The following SPIDR variants were observed in gnomAD, a reference collection of about 807,000 sequenced individuals.
The protein encoded by SPIDR is DNA repair-scaffolding protein.
A neutral mutation model predicts 104.6 loss-of-function variants in SPIDR; 93 were observed. The ratio of observed to expected loss-of-function variants is 0.89; its 90% CI spans 0.75 to 1.06. The LOEUF (loss-of-function observed/expected upper bound fraction) is 1.06. Ranked by LOEUF, SPIDR falls within the 50% of genes least tolerant of loss-of-function variation. SPIDR has a pLI of 0.00. For missense variants in SPIDR, 1,154 were observed against 1,111.2 expected, an observed-to-expected ratio of 1.04 and a Z score of -0.55; for synonymous variants, 431 against 416.9, an observed-to-expected ratio of 1.03 and a Z score of -0.41.
At chr8:47,477,243 A>G (rs960921945) in intron 8 of SPIDR, among the ~76,000 whole-genome samples, 45 of 151,954 alleles carry the variant, frequency 3.0e-4, no homozygotes, top group African/African-American at 9.2e-4. Context: ...TCTGTTGCCC[A>G]GGTTGGAGTG....
At chr8:47,529,434 AAAAAAT>A (rs570371914) in intron 8 of SPIDR, among the ~76,000 whole-genome samples, 2 of 152,034 alleles carry the variant, frequency 1.3e-5, no homozygotes, top group African/African-American at 2.4e-5. Context: ...TAAATAAAAT[AAAAAAT>A]AAAAATAAAG....
intron 5 of SPIDR, among the ~76,000 whole-genome samples, chr8:47,352,516 G>C (rs189076234): frequency 6.6e-6 from 1 of 152,086 alleles, no homozygotes; most frequent in Non-Finnish European, 1.5e-5. Context: ...TGAAAGGAAG[G>C]GCTAAACATT....
chr8:47,512,050 C>A (rs2082413317), intron 8 of SPIDR: 1 of 677,396 alleles, frequency 1.5e-6, no homozygotes, highest in East Asian at 2.8e-5. Context: ...CTGCAAGTCC[C>A]AGGTAGCCGA....
intron 5 of SPIDR, among the ~76,000 whole-genome samples, chr8:47,394,770 C>T (rs1326574268): frequency 6.6e-6 from 1 of 152,038 alleles, no homozygotes; most frequent in Non-Finnish European, 1.5e-5. Context: ...GCTTCATTTT[C>T]ATTCTGAACT....
chr8:47,280,093 T>C (rs2037412064), intron 2 of SPIDR, 76 bp downstream of exon 2: 1 of 1,405,058 alleles, frequency 7.1e-7, no homozygotes, highest in Admixed American at 2.0e-5. Context: ...GTAATTACAT[T>C]TCATTGTAAT....
At chr8:47,308,502 G>C (rs2043519227) in intron 5 of SPIDR, among the ~76,000 whole-genome samples, 1 of 151,932 alleles carries the variant, frequency 6.6e-6, no homozygotes, top group African/African-American at 2.4e-5. Flanking sequence ...TTTTCTCCAG[G>C]AATGTGCAGG....
At chr8:47,703,206 G>A (rs539800035) in intron 14 of SPIDR, among the ~76,000 whole-genome samples, 3 of 152,168 alleles carry the variant, frequency 2.0e-5, no homozygotes, top group Non-Finnish European at 4.4e-5. Flanking sequence ...GCCTGGTTTT[G>A]GAGCCTTTCT....
intron 7 of SPIDR, among the ~76,000 whole-genome samples, chr8:47,432,774 G>A (rs573319499): frequency 1.3e-5 from 2 of 152,280 alleles, no homozygotes; most frequent in African/African-American, 4.8e-5. Flanking sequence ...GGCTAGAGCA[G>A]TAAGAAGTAA....
At chr8:47,557,057 G>A (rs963653868) in intron 8 of SPIDR, among the ~76,000 whole-genome samples, 2 of 152,086 alleles carry the variant, frequency 1.3e-5, no homozygotes, top group African/African-American at 4.8e-5. Flanking sequence ...GAGCAGCAGT[G>A]GAAATCATAG....
intron 10 of SPIDR, among the ~76,000 whole-genome samples, chr8:47,609,826 G>A (rs780225090): frequency 6.6e-5 from 10 of 151,858 alleles, no homozygotes; most frequent in Non-Finnish European, 1.0e-4. Flanking sequence ...GTGAACTTAC[G>A]GATAATATGA....
At chr8:47,389,059 A>T (rs1554649994) in intron 5 of SPIDR, among the ~76,000 whole-genome samples, 1 of 152,220 alleles carries the variant, frequency 6.6e-6, no homozygotes, top group African/African-American at 2.4e-5. Context: ...GGAGGAAAAA[A>T]AGTCCTGATG....
At chr8:47,537,166 A>C (rs940042591) in intron 8 of SPIDR, among the ~76,000 whole-genome samples, 1 of 152,242 alleles carries the variant, frequency 6.6e-6, no homozygotes, top group African/African-American at 2.4e-5. Context: ...CTTTGTTACA[A>C]AAATACACAT....
chr8:47,292,676 C>T (rs933097869), intron 4 of SPIDR, among the ~76,000 whole-genome samples: 1 of 152,086 alleles, frequency 6.6e-6, no homozygotes. Flanking sequence ...AGCAGTCTTC[C>T]TGCTTTTTAA....
chr8:47,290,573 AGGT>A (rs2039724247), intron 3 of SPIDR, among the ~76,000 whole-genome samples: 1 of 152,232 alleles, frequency 6.6e-6, no homozygotes, highest in Admixed American at 6.5e-5. Flanking sequence ...ATTAAATACA[AGGT>A]TTGGTCTTAA....
At chr8:47,552,612 G>T (rs548003345) in intron 8 of SPIDR, among the ~76,000 whole-genome samples, 26 of 151,890 alleles carry the variant, frequency 1.7e-4, no homozygotes, top group African/African-American at 5.6e-4. Flanking sequence ...CCATTTGCTT[G>T]GTAGATCTTC....
intron 16 of SPIDR, among the ~76,000 whole-genome samples, chr8:47,724,178 T>G (rs1287087376): frequency 2.0e-5 from 3 of 152,150 alleles, no homozygotes; most frequent in Non-Finnish European, 4.4e-5. Flanking sequence ...CAGGCCCTCA[T>G]GTAGGGTTCA....
rs549176023 is a variant in SPIDR, at chr8:47,542,515, AT to A, written c.1098-53288del. ...TTCAGATTCCACACAGTAGCTAAGG[AT>A]TTTTTTTAAAAAAAGTAAATCAAAG... is the stretch of plus-strand genomic sequence containing the variant. On this transcript the variant is annotated intron_variant, in intron 8 of 19. Transcript: ENST00000297423. 2.4e-3 allele frequency among the ~76,000 whole-genome samples: 371 copies of A among 152,112 alleles called. 2 individuals are homozygous for A. Among genetic ancestry groups the A allele is most frequent in the African/African-American group, 8.6e-3 (358 of 41,516 alleles).
At chr8:47,532,733 G>T (rs1365260895) in intron 8 of SPIDR, among the ~76,000 whole-genome samples, 1 of 152,166 alleles carries the variant, frequency 6.6e-6, no homozygotes, top group Non-Finnish European at 1.5e-5. Context: ...GATCCATCAG[G>T]CAGAACTCAA....
rs1011711489 is a variant in SPIDR, at chr8:47,647,476, G to A, written c.1545-26325G>A. Reference sequence around the variant, plus strand: ...CTAAAAATACAAAAATTAGCCAGGCGTGTTGGTGCACGCCTATAATCTCAG... The same window carrying A: ...CTAAAAATACAAAAATTAGCCAGGCATGTTGGTGCACGCCTATAATCTCAG... On this transcript the variant is annotated intron_variant, in intron 10 of 19. Coordinates refer to ENST00000297423, the MANE Select transcript of SPIDR (RefSeq NM_001080394.4). Among the ~76,000 whole-genome samples, 16 of 152,208 alleles carry A rather than the reference G, an allele frequency of 1.1e-4. No individual in the cohort carries two copies. In the East Asian group the frequency reaches 1.9e-3, roughly 18 times the overall value.
Sources: allele counts gnomAD v4.1 joint callset (sites outside exome capture counted in the v4.1 genomes callset), GRCh38; gene constraint gnomAD v4.1.1; transcripts MANE v1.5; gene names NCBI Gene and HGNC (gene_info 2026-07-23, HGNC 2026-07-21).